FAM13B: variants seen among roughly 807,000 people sequenced by gnomAD.
FAM13B encodes the protein protein FAM13B.
In FAM13B, 60 loss-of-function variants were observed where a neutral mutation model predicts 117.3. The ratio of observed to expected loss-of-function variants is 0.51; its 90% CI spans 0.42 to 0.63. FAM13B has a LOEUF of 0.63. Among genes scored for constraint, FAM13B ranks in the 30% least tolerant of loss-of-function variants. FAM13B has a pLI of 0.00. For missense variants in FAM13B, 972 were observed against 1,091.9 expected (o/e 0.89, Z 1.55); for synonymous variants, 332 against 356.1 (o/e 0.93, Z 0.76).
chr5:138,051,423 T>C (rs779629058), intron 1 of FAM13B, among the ~76,000 whole-genome samples: 12 of 152,230 alleles, frequency 7.9e-5, no homozygotes, highest in Non-Finnish European at 1.5e-4. Context: ...TATATGAGAA[T>C]GACTATTTGC....
In FAM13B at chr5:137,987,550, A is replaced by T. The variant is rs890085850; in HGVS notation, c.957T>A (p.Asp319Glu). 1 of 1,613,562 alleles carries T rather than the reference A, an allele frequency of 6.2e-7. No individual in the cohort carries two copies. Among genetic ancestry groups the T allele is most frequent in the African/African-American group, 1.3e-5 (1 of 75,032 alleles). Residue 319 changes from aspartate to glutamate, a missense_variant, in exon 9 of 24, where the codon GAT becomes GAA. Transcript: ENST00000689681. ...GCTGTTGTAAATTCTTAAGATCATG[A>T]TCTATGCTGCTCTGAAGATCAAAAA... ...QHLFDLQSSI[D>E]HDLKNLQQQS... is the part of the protein sequence containing the mutation.
intron 6 of FAM13B, among the ~76,000 whole-genome samples, chr5:138,008,940 C>G (rs895187309): frequency 6.6e-6 from 1 of 152,148 alleles, no homozygotes; most frequent in Non-Finnish European, 1.5e-5. Context: ...GGCAGAAGAT[C>G]GAGACCAGCC....
chr5:137,946,052 A>T (rs139041315), intron 19 of FAM13B, 55 bp from the exon 20 acceptor site: 27 of 1,439,888 alleles, frequency 1.9e-5, no homozygotes, highest in Non-Finnish European at 2.4e-5. Flanking sequence ...AAATGTCCAA[A>T]ACATTAAACA....
chr5:138,040,931 G>A (rs1361252546), intron 1 of FAM13B, among the ~76,000 whole-genome samples: 1 of 151,962 alleles, frequency 6.6e-6, no homozygotes, highest in Non-Finnish European at 1.5e-5. Context: ...GGGTGTGGTG[G>A]CACACGCCTG....
intron 7 of FAM13B, among the ~76,000 whole-genome samples, chr5:137,995,195 G>A (rs1418043153): frequency 6.6e-6 from 1 of 152,138 alleles, no homozygotes; most frequent in East Asian, 1.9e-4. Flanking sequence ...CAGTTTAAAC[G>A]GAAAAAGACT....
Position 137,943,184 on chromosome 5 carries a change from C to T in FAM13B, c.2373G>A (p.Met791Ile), listed in dbSNP as rs1762361609. The T allele has an allele frequency of 1.2e-6, 2 of 1,613,924 alleles. No homozygotes were observed. The highest frequency in any genetic ancestry group is 1.7e-5 in the Admixed American group (1 of 60,006). ...GSPSTKRRGQ[M>I]LQPIIEGETA... The stretch of plus-strand genomic sequence containing the variant: ...TTTCTCCTTCTATGATTGGCTGTAA[C>T]ATCTGACCCCTTCGCTTGGTGGATG... The change falls in exon 21 of 24, where the codon ATG (methionine) becomes ATA (isoleucine). Residue 791 changes from methionine (M) to isoleucine (I), a missense_variant. Met to Ile is a conservative substitution (Grantham distance 10, BLOSUM62 1). Coordinates refer to ENST00000689681, the MANE Select transcript of FAM13B (RefSeq NM_001385994.1).
chr5:137,969,149 T>G (rs1296703774), intron 10 of FAM13B, among the ~76,000 whole-genome samples: 3 of 152,222 alleles, frequency 2.0e-5, no homozygotes. Flanking sequence ...GCTCCACCTC[T>G]GGGGGGCAGG....
Position 138,029,582 on chromosome 5 carries a change from T to C in FAM13B, c.-203+3200A>G, listed in dbSNP as rs918444571. ...AACTCCCATCTTACCTAATTCTAAA[T>C]TTCAGCTCCTTTACACCTTTCCAAA... On this transcript the variant is annotated intron_variant, in intron 1 of 23. Transcript: ENST00000689681. 4.6e-5 allele frequency among the ~76,000 whole-genome samples: 7 copies of C among 152,332 alleles called. No homozygotes were observed. In the East Asian group the frequency reaches 1.3e-3, roughly 29 times the overall value.
chr5:137,983,176 TAAAAAAAAAAAAAAAAAAAAAAAA>T (rs56880991), intron 10 of FAM13B, among the ~76,000 whole-genome samples: 1 of 75,118 alleles, frequency 1.3e-5, no homozygotes, highest in African/African-American at 5.7e-5. Context: ...CCAGTGTAGG[TAAAAAAAAAAAAAAAAAAAAAAAA>T]AAAAAAAAAA....
At position 137,960,255 on chromosome 5, in the gene FAM13B, A is replaced by G. The variant is rs747080071; in HGVS notation, c.1245-41T>C. 5 of 1,159,254 alleles carry G rather than the reference A, an allele frequency of 4.3e-6. No homozygotes were observed. In the African/African-American group the frequency reaches 6.3e-5, roughly 15 times the overall value. The allele number at this position is 1,159,254 out of a possible 1,614,324, so 71.8% of individuals were successfully genotyped here. ...AAGTTGTTAGTATATTAAGAATAAA[A>G]AGGCTACTATCATTATATATTTCTT... On this transcript the variant is annotated intron_variant, in intron 11 of 23. Coordinates refer to ENST00000689681, the MANE Select transcript of FAM13B (RefSeq NM_001385994.1).
Position 137,988,448 on chromosome 5 carries a change from AC to A in FAM13B, c.849-134del, listed in dbSNP as rs574870658. On this transcript the variant is annotated intron_variant, in intron 7 of 23. Coordinates refer to ENST00000689681, the MANE Select transcript of FAM13B (RefSeq NM_001385994.1). ...CATACTAAGTGTTGTATTCTTGTTT[AC>A]ATATCAAGTTGGAAATATTTTCTGA... 1,238 of 638,566 alleles carry A rather than the reference AC, an allele frequency of 1.9e-3. 1 individual carries two copies. Among genetic ancestry groups the A allele is most frequent in the Non-Finnish European group, 3.0e-3 (1,085 of 366,638 alleles). The allele number at this position is 638,566 out of a possible 1,614,324, so 39.6% of individuals were successfully genotyped here. A position where few individuals can be genotyped will look rare whatever the true frequency, so the allele number is the denominator to read the frequency against.
upstream of FAM13B, chr5:138,037,382 C>T (rs551611585): frequency 6.6e-6 from 1 of 151,158 alleles, no homozygotes; most frequent in Non-Finnish European, 1.5e-5. Flanking sequence ...AGTCACATCA[C>T]TGTGGAAGGA....
chr5:138,032,955 A>G lies in FAM13B; in HGVS notation c.-376T>C. On this transcript the variant is annotated 5_prime_UTR_variant, in exon 1 of 24. Coordinates refer to ENST00000689681, the MANE Select transcript of FAM13B (RefSeq NM_001385994.1). ...GGCTGTGGCGCGGGGCCAGCCCGGT[A>G]AGCGACCCCCCGGATACCCCCGGCG... 1.0e-6 allele frequency: 1 copy of G among 986,086 alleles called. No individual in the cohort carries two copies. The highest frequency in any genetic ancestry group is 1.2e-6 in the Non-Finnish European group (1 of 830,416). The allele number at this position is 986,086 out of a possible 1,614,324, so 61.1% of individuals were successfully genotyped here. A position where few individuals can be genotyped will look rare whatever the true frequency, so the allele number is the denominator to read the frequency against.
intron 10 of FAM13B, among the ~76,000 whole-genome samples, chr5:137,970,544 T>C (rs150242516): frequency 1.3e-5 from 2 of 150,492 alleles, no homozygotes; most frequent in South Asian, 4.2e-4. Context: ...AGGAAGAAAC[T>C]GTGTCAATTA....
chr5:137,940,554 G>C (rs572897654), intron 23 of FAM13B: 57 of 513,478 alleles, frequency 1.1e-4, no homozygotes, highest in Admixed American at 7.5e-5. Flanking sequence ...TCTACTGATA[G>C]ATTAAATGAT....
At chr5:138,013,129 G>A (rs1334289160) in intron 4 of FAM13B, among the ~76,000 whole-genome samples, 1 of 152,088 alleles carries the variant, frequency 6.6e-6, no homozygotes, top group Non-Finnish European at 1.5e-5. Flanking sequence ...CTTGAGCCTG[G>A]GAGGCAGTGG....
intron 4 of FAM13B, among the ~76,000 whole-genome samples, chr5:138,014,617 G>A (rs1186459009): frequency 6.6e-6 from 1 of 152,198 alleles, no homozygotes; most frequent in East Asian, 1.9e-4. Flanking sequence ...CACAGCAGAT[G>A]TTCAATAAAC....
At chr5:137,958,247 A>T (rs1379923774) in intron 13 of FAM13B, among the ~76,000 whole-genome samples, 3 of 152,246 alleles carry the variant, frequency 2.0e-5, no homozygotes, top group Non-Finnish European at 4.4e-5. Flanking sequence ...CATCTTCATA[A>T]ATTCCAGATG....
At chr5:137,996,184 G>A (rs1433257118) in intron 7 of FAM13B, among the ~76,000 whole-genome samples, 2 of 152,160 alleles carry the variant, frequency 1.3e-5, no homozygotes, top group African/African-American at 4.8e-5. Flanking sequence ...CACCCAGGCT[G>A]GAGTGCAGTG....
Sources: allele counts gnomAD v4.1 joint callset (sites outside exome capture counted in the v4.1 genomes callset), GRCh38; gene constraint gnomAD v4.1.1; transcripts MANE v1.5; gene names NCBI Gene and HGNC (gene_info 2026-07-23, HGNC 2026-07-21).